The following AFM variants were observed in gnomAD, a reference collection of about 807,000 sequenced individuals.
The protein encoded by AFM is afamin.
Under a neutral mutation model 68.7 loss-of-function variants are expected in AFM, and 82 were observed. The observed-to-expected ratio is 1.19, with a 90% CI of 1.00 to 1.43. The LOEUF is 1.43. AFM is among the 40% of genes most tolerant of loss of function. The probability of loss-of-function intolerance (pLI) is 0.00; values close to 1 mark genes in which losing one functional copy is unlikely to be tolerated. For synonymous variants in AFM, 250 were observed against 234.2 expected (o/e 1.07, Z -0.61); for missense variants, 772 against 701.8 (o/e 1.10, Z -1.13).
chr4:73,496,595 C>T (rs1276116019), intron 9 of AFM, among the ~76,000 whole-genome samples: 2 of 152,160 alleles, frequency 1.3e-5, no homozygotes, highest in African/African-American at 4.8e-5. Context: ...CTTTTACCAA[C>T]ATTGCACATG....
At chr4:73,499,308 C>T (rs1721353872) in intron 11 of AFM, 62 bp downstream of exon 11, 3 of 1,341,466 alleles carry the variant, frequency 2.2e-6, no homozygotes, top group Admixed American at 5.9e-5. Context: ...AGAATATTTG[C>T]ACTCATTGAT....
intron 7 of AFM, among the ~76,000 whole-genome samples, chr4:73,489,859 C>T (rs1173469208): frequency 6.6e-6 from 1 of 152,104 alleles, no homozygotes; most frequent in African/African-American, 2.4e-5. Context: ...ATCAAAGTAG[C>T]TCATGCATGC....
At position 73,490,748 on chromosome 4, in the gene AFM, A is replaced by G. The variant is rs1447518712; in HGVS notation, c.844-1124A>G. 2.6e-5 allele frequency among the ~76,000 whole-genome samples: 4 copies of G among 152,114 alleles called. No individual in the cohort carries two copies. In the East Asian group the frequency reaches 7.7e-4, roughly 29 times the overall value. On this transcript the variant is annotated intron_variant, in intron 7 of 14. Coordinates refer to ENST00000226355, the MANE Select transcript of AFM (RefSeq NM_001133.2). Reference sequence around the variant, plus strand: ...TATGTCTCAAATTTCCTTCTTTTTAATGTCTTTTTGGAGAAATAAGAGGAA... The same window carrying G: ...TATGTCTCAAATTTCCTTCTTTTTAGTGTCTTTTTGGAGAAATAAGAGGAA...
At chr4:73,502,022 G>A in intron 13 of AFM, 103 bp downstream of exon 13, 1 of 1,306,544 alleles carries the variant, frequency 7.7e-7, no homozygotes, top group Non-Finnish European at 1.0e-6. Flanking sequence ...GTGTCTACCA[G>A]GACTACATTT....
chr4:73,485,958 C>T lies in AFM; in HGVS notation c.367C>T (p.Leu123Phe). Residue 123 changes from leucine to phenylalanine, a missense_variant, in exon 4 of 15, where the codon CTC (leucine) becomes TTC (phenylalanine). Transcript: ENST00000226355. ...CAGTAAGGTTGATGCTCAAAGAAGA[C>T]TCTGTTTCTTCTATAACAAGAAATC... is the stretch of plus-strand genomic sequence containing the variant. Reference protein sequence around the residue: ...CCSKVDAQRRLCFFYNKKSDV... With the variant: ...CCSKVDAQRRFCFFYNKKSDV... 6.2e-7 allele frequency: 1 copy of T among 1,613,780 alleles called. No homozygotes were observed. The highest frequency in any genetic ancestry group is 1.1e-5 in the South Asian group (1 of 91,078).
At chr4:73,489,639 A>T (rs1412734486) in intron 7 of AFM, among the ~76,000 whole-genome samples, 1 of 152,204 alleles carries the variant, frequency 6.6e-6, no homozygotes, top group African/African-American at 2.4e-5. Flanking sequence ...CCTTTAACCA[A>T]CATCTCCCCA....
At position 73,484,116 on chromosome 4, in the gene AFM, T is replaced by C. The variant is rs929154343; in HGVS notation, c.137+127T>C. ...CAAGAAGACAACTTTAATTATAAAA[T>C]TCAGGCAAAGAAGTTGTAAAATTTA... On this transcript the variant is annotated intron_variant, in intron 2 of 14. Coordinates refer to ENST00000226355, the MANE Select transcript of AFM (RefSeq NM_001133.2). The C allele has an allele frequency of 5.1e-6, 7 of 1,384,720 alleles. No homozygotes were observed. The African/African-American group carries it at 7.4e-5, about 15-fold the overall frequency. 85.8% of individuals were successfully genotyped at this position (1,384,720 alleles called of 1,614,324 possible).
At chr4:73,490,983 A>G (rs1044741187) in intron 7 of AFM, among the ~76,000 whole-genome samples, 2 of 152,080 alleles carry the variant, frequency 1.3e-5, no homozygotes, top group Admixed American at 1.3e-4. Flanking sequence ...CTCCATGTTC[A>G]CCAGAAGATT....
In AFM at chr4:73,500,186, G is replaced by A. The variant is rs1381604474; in HGVS notation, c.1605G>A (p.Met535Ile). ...SQDLFTFHAD[M>I]CQSQNEELQR... ...ATTTATTTACCTTTCACGCAGACAT[G>A]TGTCAATCTCAGAATGAGGAGCTTC... The change falls in exon 12 of 15, where the codon ATG (methionine) becomes ATA (isoleucine). Residue 535 changes from methionine (M) to isoleucine (I), a missense_variant. By Grantham distance (10) the Met-to-Ile change is conservative (BLOSUM62 1). Coordinates refer to ENST00000226355, the MANE Select transcript of AFM (RefSeq NM_001133.2). 1.2e-6 allele frequency: 2 copies of A among 1,613,702 alleles called. No homozygotes were observed. Among genetic ancestry groups the A allele is most frequent in the East Asian group, 2.2e-5 (1 of 44,812 alleles).
chr4:73,485,110 G>A (rs547129356), intron 3 of AFM, among the ~76,000 whole-genome samples: 6 of 152,120 alleles, frequency 3.9e-5, no homozygotes, highest in Non-Finnish European at 8.8e-5. Flanking sequence ...TGAAATTACA[G>A]AGGTACCTCC....
intron 3 of AFM, among the ~76,000 whole-genome samples, chr4:73,485,573 GA>G (rs1720869130): frequency 6.9e-6 from 1 of 144,378 alleles, no homozygotes; most frequent in African/African-American, 2.5e-5. Flanking sequence ...AGGAGAAGGA[GA>G]AAGAGAAGGA....
Position 73,497,737 on chromosome 4 carries a change from G to C in AFM, c.1277G>C (p.Gly426Ala), listed in dbSNP as rs1437374480. The C allele has an allele frequency of 6.3e-7, 1 of 1,597,622 alleles. No individual in the cohort carries two copies. Among genetic ancestry groups the C allele is most frequent in the South Asian group, 1.1e-5 (1 of 89,612 alleles). The change falls in exon 10 of 15, where the codon GGT becomes GCT. Residue 426 changes from glycine (G) to alanine (A), a missense_variant. Gly to Ala is a moderately conservative substitution (Grantham distance 60). Transcript: ENST00000226355. ...CATTTCCAGAATTTGGGGAAGGATG[G>C]TTTGAAATACCAGTATGTTGTTTGC... ...CKHFQNLGKDGLKYHYLIRLT... is the reference protein window; with the variant it reads ...CKHFQNLGKDALKYHYLIRLT...
intron 7 of AFM, among the ~76,000 whole-genome samples, chr4:73,490,181 T>G (rs966276286): frequency 6.8e-6 from 1 of 147,182 alleles, no homozygotes; most frequent in African/African-American, 2.6e-5. Flanking sequence ...GAATGAAACC[T>G]TATTTCAAAA....
intron 7 of AFM, among the ~76,000 whole-genome samples, chr4:73,489,933 A>G (rs1030480209): frequency 6.6e-6 from 1 of 152,176 alleles, no homozygotes; most frequent in Non-Finnish European, 1.5e-5. Context: ...ACGTATACCT[A>G]TGTAACAAGC....
Position 73,500,228 on chromosome 4 carries a change from G to T in AFM, c.1646+1G>T, listed in dbSNP as rs77552056. 5 of 1,604,732 alleles carry T rather than the reference G, an allele frequency of 3.1e-6. No homozygotes were observed. Among genetic ancestry groups the T allele is most frequent in the Non-Finnish European group, 3.4e-6 (4 of 1,174,178 alleles). On this transcript the variant is annotated splice_donor_variant, in intron 12 of 14. Transcript: ENST00000226355. LOFTEE classifies it high-confidence loss of function. Reference sequence around the variant, plus strand: ...AGGAGCTTCAGAGGAAGACAGACAGGTACAAATAATCTCTTCCATTCTTCT... The same window carrying T: ...AGGAGCTTCAGAGGAAGACAGACAGTTACAAATAATCTCTTCCATTCTTCT...
At chr4:73,486,436 G>C (rs751697777) in intron 4 of AFM, among the ~76,000 whole-genome samples, 23 of 152,178 alleles carry the variant, frequency 1.5e-4, no homozygotes, top group Non-Finnish European at 3.4e-4. Context: ...AGGATGTTTA[G>C]CAAAACATCT....
rs1253978636 is a variant in AFM at position 73,484,325 on chromosome 4, G to T, written c.205G>T (p.Asp69Tyr). 6.8e-6 allele frequency: 11 copies of T among 1,613,474 alleles called. No individual in the cohort carries two copies. Among genetic ancestry groups the T allele is most frequent in the South Asian group, 1.1e-5 (1 of 90,996 alleles). The change falls in exon 3 of 15, where the codon GAC (aspartate) becomes TAC (tyrosine). Residue 69 changes from aspartate to tyrosine, a missense_variant. Asp to Tyr is a radical substitution (Grantham distance 160). Coordinates refer to ENST00000226355, the MANE Select transcript of AFM (RefSeq NM_001133.2). ...TGAAGAAATGGAAAAGCTGGTGAAA[G>T]ACATGGTAGAATACAAAGACAGATG... ...TFEEMEKLVK[D>Y]MVEYKDRCMA...
At chr4:73,489,687 A>G (rs1721012729) in intron 7 of AFM, among the ~76,000 whole-genome samples, 1 of 152,184 alleles carries the variant, frequency 6.6e-6, no homozygotes, top group African/African-American at 2.4e-5. Flanking sequence ...TGATTTTCCA[A>G]GGAAAAGTAT....
At chr4:73,487,246 A>G (rs1720926986) in intron 5 of AFM, 147 bp downstream of exon 5, 4 of 850,770 alleles carry the variant, frequency 4.7e-6, no homozygotes, top group Non-Finnish European at 7.1e-6. Flanking sequence ...ATTGGTCACC[A>G]GGTGCTGATC....
Sources: gnomAD v4.1 joint callset for allele counts (sites outside exome capture counted in the v4.1 genomes callset) on GRCh38, gnomAD v4.1.1 for gene constraint, MANE v1.5 for transcripts, NCBI Gene and HGNC (gene_info 2026-07-23, HGNC 2026-07-21) for gene names.